The following CHSY1 variants were observed in gnomAD, a reference collection of about 807,000 sequenced individuals.
The protein encoded by CHSY1 is N-acetylgalactosaminyl-proteoglycan 3-beta-glucuronosyltransferase 1.
Under a neutral mutation model 59.8 loss-of-function variants are expected in CHSY1, and 13 were observed. That is an observed-to-expected ratio of 0.22 (90% CI 0.14 to 0.35). The LOEUF (loss-of-function observed/expected upper bound fraction) is 0.35, where lower values mean the gene tolerates loss of function less well. CHSY1 is among the 10% of genes least tolerant of loss of function. The pLI is 1.00. For missense variants in CHSY1, 947 were observed against 1,030.6 expected (o/e 0.92, Z 1.11); for synonymous variants, 459 against 401.2 (o/e 1.14, Z -1.72).
rs1182692846 is a variant in CHSY1, at chr15:101,184,685, A to G, written c.817-5705T>C. On this transcript the variant is annotated intron_variant, in intron 2 of 2. Coordinates refer to ENST00000254190, the MANE Select transcript of CHSY1 (RefSeq NM_014918.5). ...TTTAATGAAAAAGAAATCTGTTGTA[A>G]GATAAAAAGGTGTGTGTGAGTGGTG... Among the ~76,000 whole-genome samples the G allele has an allele frequency of 2.0e-5, 3 of 152,186 alleles. No individual in the cohort carries two copies. In the East Asian group the frequency reaches 5.8e-4, roughly 29 times the overall value.
At chr15:101,217,231 A>G (rs571329126) in intron 2 of CHSY1, among the ~76,000 whole-genome samples, 3 of 152,366 alleles carry the variant, frequency 2.0e-5, no homozygotes, top group East Asian at 1.9e-4. Context: ...TTTAGCAAAG[A>G]AGGAGGCTAG....
At chr15:101,221,494 A>C (rs28710786) in intron 2 of CHSY1, among the ~76,000 whole-genome samples, 10,155 of 152,174 alleles carry the variant, frequency 0.067, 419 homozygotes, top group African/African-American at 0.12. Flanking sequence ...CCCTCTCTCT[A>C]TATATATAAA....
chr15:101,182,194 A>T (rs2141239735), intron 2 of CHSY1, among the ~76,000 whole-genome samples: 1 of 152,304 alleles, frequency 6.6e-6, no homozygotes, highest in East Asian at 1.9e-4. Context: ...ACCATTCAGC[A>T]TGGTTAGTGG....
At chr15:101,205,672 C>A (rs1055066104) in intron 2 of CHSY1, among the ~76,000 whole-genome samples, 2 of 152,168 alleles carry the variant, frequency 1.3e-5, no homozygotes, top group African/African-American at 4.8e-5. Context: ...AGATTGTTGG[C>A]CGGGCGTGGT....
intron 2 of CHSY1, among the ~76,000 whole-genome samples, chr15:101,213,958 C>G (rs2038706569): frequency 6.6e-6 from 1 of 152,190 alleles, no homozygotes; most frequent in African/African-American, 2.4e-5. Flanking sequence ...GTCTCATTTT[C>G]CCTCCAATGA....
intron 1 of CHSY1, among the ~76,000 whole-genome samples, chr15:101,244,619 C>T (rs2039033455): frequency 6.6e-6 from 1 of 152,226 alleles, no homozygotes; most frequent in Non-Finnish European, 1.5e-5. Flanking sequence ...CTTGGCATCA[C>T]AGTGAGTACA....
intron 1 of CHSY1, among the ~76,000 whole-genome samples, chr15:101,246,566 C>G (rs573843113): frequency 6.6e-6 from 1 of 152,166 alleles, no homozygotes; most frequent in African/African-American, 2.4e-5. Context: ...TTCAACGGAA[C>G]AAAACATGAA....
intron 2 of CHSY1, among the ~76,000 whole-genome samples, chr15:101,182,642 T>C (rs56815075): frequency 0.021 from 3,238 of 152,292 alleles, 51 homozygotes; most frequent in East Asian, 0.1. Context: ...ATCCCACTTG[T>C]GTCCCAGAAA....
chr15:101,248,850 A>C (rs1270964342), intron 1 of CHSY1, among the ~76,000 whole-genome samples: 1 of 151,928 alleles, frequency 6.6e-6, no homozygotes, highest in Non-Finnish European at 1.5e-5. Context: ...GCAGTGACGC[A>C]ATCTCGGGTC....
chr15:101,234,957 T>G, intron 2 of CHSY1, 125 bp downstream of exon 2: 1 of 1,276,560 alleles, frequency 7.8e-7, no homozygotes, highest in Non-Finnish European at 1.1e-6. Flanking sequence ...AGGCTAAAAA[T>G]GTAGAATAAT....
At position 101,234,176 on chromosome 15, in the gene CHSY1, A is replaced by G. The variant is rs776900287; in HGVS notation, c.816+906T>C. 2.0e-5 allele frequency among the ~76,000 whole-genome samples: 3 copies of G among 152,242 alleles called. No individual in the cohort carries two copies. The South Asian group carries it at 6.2e-4, about 32-fold the overall frequency. The stretch of plus-strand genomic sequence containing the variant: ...GGACTTCCTTCGGCAAATTTCATTT[A>G]TGTGTCACGGTAACTCAGAAGTTGC... On this transcript the variant is annotated intron_variant, in intron 2 of 2. Transcript: ENST00000254190.
Position 101,251,504 on chromosome 15 carries a change from C to G in CHSY1, c.-48G>C. 1 of 55,034 alleles carries G rather than the reference C, an allele frequency of 1.8e-5. No individual in the cohort carries two copies. Among genetic ancestry groups the G allele is most frequent in the Non-Finnish European group, 2.5e-5 (1 of 40,514 alleles). 3.4% of individuals were successfully genotyped at this position (55,034 alleles called of 1,614,324 possible). On this transcript the variant is annotated 5_prime_UTR_variant, in exon 1 of 3. Coordinates refer to ENST00000254190, the MANE Select transcript of CHSY1 (RefSeq NM_014918.5). Reference sequence around the variant, plus strand: ...GGCCGCCGCCGCAGGCTCCGCGCGCCCTCAGCCCGCTGCCCCCGCCCGCGG... The same window carrying G: ...GGCCGCCGCCGCAGGCTCCGCGCGCGCTCAGCCCGCTGCCCCCGCCCGCGG...
intron 2 of CHSY1, among the ~76,000 whole-genome samples, chr15:101,179,687 C>G (rs557986880): frequency 6.6e-6 from 1 of 152,344 alleles, no homozygotes; most frequent in South Asian, 2.1e-4. Flanking sequence ...ACGGGGTCTC[C>G]GGCACCAGCA....
intron 2 of CHSY1, among the ~76,000 whole-genome samples, chr15:101,217,068 T>C (rs1416643268): frequency 1.3e-5 from 2 of 152,228 alleles, no homozygotes; most frequent in Non-Finnish European, 2.9e-5. Context: ...AAAGAAAATG[T>C]ACATAAGCAC....
chr15:101,250,564 T>TC (rs2039096290), intron 1 of CHSY1, among the ~76,000 whole-genome samples: 1 of 152,244 alleles, frequency 6.6e-6, no homozygotes, highest in Non-Finnish European at 1.5e-5. Context: ...GAACTGCTTT[T>TC]CCCCAAGGTT....
chr15:101,235,492 G>C lies in CHSY1; in HGVS notation c.406C>G (p.Leu136Val), dbSNP rs755279205. ...DTSVPIPVVP[L>V]RGVDDSYPPQ... is the part of the protein sequence containing the mutation. ...GGGTAGGAGTCGTCCACACCCCGTAGTGGCACTACTGGAATTGGTACAGAT... is the reference window on the plus strand; with the variant it reads ...GGGTAGGAGTCGTCCACACCCCGTACTGGCACTACTGGAATTGGTACAGAT... The change falls in exon 2 of 3, where the codon CTA becomes GTA. Residue 136 changes from leucine (L) to valine (V), a missense_variant. Coordinates refer to ENST00000254190, the MANE Select transcript of CHSY1 (RefSeq NM_014918.5). The C allele has an allele frequency of 6.2e-7, 1 of 1,614,114 alleles. No individual in the cohort carries two copies. The highest frequency in any genetic ancestry group is 8.5e-7 in the Non-Finnish European group (1 of 1,180,018).
chr15:101,186,104 G>C (rs796444591), intron 2 of CHSY1, among the ~76,000 whole-genome samples: 44 of 142,666 alleles, frequency 3.1e-4, no homozygotes, highest in African/African-American at 1.1e-3. Context: ...AACCCCAGGA[G>C]TTCCAGACCA....
intron 1 of CHSY1, among the ~76,000 whole-genome samples, chr15:101,239,393 T>G (rs1285572866): frequency 6.6e-6 from 1 of 152,168 alleles, no homozygotes; most frequent in Non-Finnish European, 1.5e-5. Context: ...AACAACCAAC[T>G]AAGGAGGCGA....
intron 2 of CHSY1, among the ~76,000 whole-genome samples, chr15:101,223,410 A>C (rs2038810043): frequency 6.6e-6 from 1 of 152,280 alleles, no homozygotes; most frequent in African/African-American, 2.4e-5. Context: ...CATGTGTGAA[A>C]TCATCAATTA....
Sources: gnomAD v4.1 joint callset for allele counts (sites outside exome capture counted in the v4.1 genomes callset) on GRCh38, gnomAD v4.1.1 for gene constraint, MANE v1.5 for transcripts, NCBI Gene and HGNC (gene_info 2026-07-23, HGNC 2026-07-21) for gene names.